CTNNA3: variants seen among roughly 807,000 people sequenced by gnomAD.
CTNNA3 encodes catenin alpha 3.
In CTNNA3, 76 loss-of-function variants were observed where a neutral mutation model predicts 95.7. The observed-to-expected ratio is 0.79, with a 90% CI of 0.66 to 0.96. The LOEUF (loss-of-function observed/expected upper bound fraction) is 0.96, where lower values mean the gene tolerates loss of function less well. CTNNA3 is among the 40% of genes least tolerant of loss of function. The probability of loss-of-function intolerance (pLI) is 0.00; values close to 1 mark genes in which losing one functional copy is unlikely to be tolerated. For synonymous variants in CTNNA3, 431 were observed against 374.4 expected (o/e 1.15, Z -1.74); for missense variants, 1,191 against 1,089.8 (o/e 1.09, Z -1.31).
intron 7 of CTNNA3, among the ~76,000 whole-genome samples, chr10:67,065,638 A>T (rs1308284407): frequency 6.6e-6 from 1 of 151,964 alleles, no homozygotes; most frequent in African/African-American, 2.4e-5. Context: ...TAGCCAATAA[A>T]ATTCTCCAGT....
intron 11 of CTNNA3, among the ~76,000 whole-genome samples, chr10:66,423,676 A>G (rs910843621): frequency 3.9e-5 from 6 of 152,122 alleles, no homozygotes; most frequent in Non-Finnish European, 8.8e-5. Flanking sequence ...ACAACCCCAC[A>G]ATAAACTTCT....
At chr10:67,696,693 CATT>C (rs1840969491), upstream of CTNNA3, among the ~76,000 whole-genome samples, 2 of 150,082 alleles carry the variant, frequency 1.3e-5, no homozygotes, top group Admixed American at 6.6e-5. Flanking sequence ...TAGGTTAACC[CATT>C]ATTAAATTTA....
chr10:66,982,518 G>A (rs1188020354), intron 7 of CTNNA3, among the ~76,000 whole-genome samples: 1 of 152,064 alleles, frequency 6.6e-6, no homozygotes, highest in Non-Finnish European at 1.5e-5. Flanking sequence ...ATTTTTGAAA[G>A]GTGGCATACA....
chr10:66,872,718 G>T (rs921139714), intron 7 of CTNNA3, among the ~76,000 whole-genome samples: 3 of 150,872 alleles, frequency 2.0e-5, no homozygotes, highest in African/African-American at 5.0e-5. Context: ...TTTTGATTCA[G>T]GTGGTACACG....
chr10:67,727,658 TG>T (rs1437590343), intron 1 of CTNNA3, among the ~76,000 whole-genome samples: 3 of 127,616 alleles, frequency 2.4e-5, no homozygotes, highest in South Asian at 4.5e-4. Context: ...ATATTATATA[TG>T]ATATATAATA....
chr10:67,492,023 G>A (rs1476347064), intron 5 of CTNNA3, among the ~76,000 whole-genome samples: 2 of 152,038 alleles, frequency 1.3e-5, no homozygotes, highest in Non-Finnish European at 1.5e-5. Context: ...AATATATGGG[G>A]TAGAAATAAA....
At chr10:66,599,969 C>T (rs1320869342) in intron 10 of CTNNA3, among the ~76,000 whole-genome samples, 1 of 151,824 alleles carries the variant, frequency 6.6e-6, no homozygotes, top group East Asian at 1.9e-4. Context: ...TCATTTTTAG[C>T]TAATAACTTG....
intron 17 of CTNNA3, among the ~76,000 whole-genome samples, chr10:65,928,047 G>A (rs1000348926): frequency 6.6e-6 from 1 of 152,016 alleles, no homozygotes; most frequent in African/African-American, 2.4e-5. Flanking sequence ...CATCTTCTAT[G>A]GTTAATAATT....
chr10:66,139,016 TC>T (rs1234542242), intron 13 of CTNNA3, among the ~76,000 whole-genome samples: 3 of 152,180 alleles, frequency 2.0e-5, no homozygotes, highest in Non-Finnish European at 4.4e-5. Context: ...AGCCAAAGTT[TC>T]CCCCAGGCTT....
chr10:66,249,331 G>A (rs549995209), intron 13 of CTNNA3, among the ~76,000 whole-genome samples: 35 of 152,078 alleles, frequency 2.3e-4, no homozygotes, highest in Non-Finnish European at 3.4e-4. Context: ...ACAAAGTGAA[G>A]AGACAACCAC....
In CTNNA3 at chr10:67,229,339, T is replaced by C. The variant is rs1217662252; in HGVS notation, c.580-9469A>G. On this transcript the variant is annotated intron_variant, in intron 5 of 17. Transcript: ENST00000433211. ...ACCTCAATGGAATAAAAGCCATCTATGATAAACCCACAGTCAACATTATAC... is the reference window on the plus strand; with the variant it reads ...ACCTCAATGGAATAAAAGCCATCTACGATAAACCCACAGTCAACATTATAC... Among the ~76,000 whole-genome samples the C allele has an allele frequency of 2.6e-5, 4 of 152,160 alleles. 1 individual carries two copies. The highest frequency in any genetic ancestry group is 4.1e-4 in the South Asian group (2 of 4,828).
intron 13 of CTNNA3, among the ~76,000 whole-genome samples, chr10:66,129,749 C>T (rs377311709): frequency 6.6e-6 from 1 of 152,104 alleles, no homozygotes. Context: ...TGCAGAGTGG[C>T]CCCCAAGACA....
intron 9 of CTNNA3, among the ~76,000 whole-genome samples, chr10:66,734,442 T>C (rs960463664): frequency 1.3e-5 from 2 of 152,190 alleles, no homozygotes; most frequent in African/African-American, 4.8e-5. Context: ...AAAATACCTT[T>C]TTATTTCTAA....
chr10:66,405,069 A>G (rs1287228799), intron 11 of CTNNA3, among the ~76,000 whole-genome samples: 1 of 152,212 alleles, frequency 6.6e-6, no homozygotes, highest in Non-Finnish European at 1.5e-5. Flanking sequence ...TTAAGCAACT[A>G]TCTAAAGGAT....
At chr10:66,039,345 T>A (rs2079634559) in intron 15 of CTNNA3, among the ~76,000 whole-genome samples, 1 of 152,164 alleles carries the variant, frequency 6.6e-6, no homozygotes, top group Non-Finnish European at 1.5e-5. Context: ...GCTATTCCTA[T>A]CAAACTACCA....
At chr10:66,713,946 C>T (rs1223707062) in intron 9 of CTNNA3, among the ~76,000 whole-genome samples, 2 of 151,828 alleles carry the variant, frequency 1.3e-5, no homozygotes, top group Non-Finnish European at 2.9e-5. Flanking sequence ...TTTTACTAAG[C>T]CTAAAATAAT....
At chr10:66,249,429 A>T (rs2090461884) in intron 13 of CTNNA3, among the ~76,000 whole-genome samples, 1 of 152,218 alleles carries the variant, frequency 6.6e-6, no homozygotes, top group South Asian at 2.1e-4. Context: ...TCTATAGGAA[A>T]AAATCTAATC....
chr10:67,331,485 T>C (rs554131354), intron 5 of CTNNA3, among the ~76,000 whole-genome samples: 3 of 151,622 alleles, frequency 2.0e-5, no homozygotes, highest in Admixed American at 6.6e-5. Context: ...AGTCATAGTA[T>C]TGTGAGAATC....
At position 66,833,666 on chromosome 10, in the gene CTNNA3, A is replaced by G. The variant is rs936106484; in HGVS notation, c.1048-58142T>C. On this transcript the variant is annotated intron_variant, in intron 7 of 17. Coordinates refer to ENST00000433211, the MANE Select transcript of CTNNA3 (RefSeq NM_013266.4). ...TGCTCCAACACTTTTATGTTATTTC[A>G]TCTGGATAGTGTAGGTAGCTGTCAA... Among the ~76,000 whole-genome samples the G allele has an allele frequency of 3.9e-5, 6 of 152,182 alleles. No homozygotes were observed. In the East Asian group the frequency reaches 1.2e-3, roughly 29 times the overall value.
Sources: gnomAD v4.1 joint callset for allele counts (sites outside exome capture counted in the v4.1 genomes callset) on GRCh38, gnomAD v4.1.1 for gene constraint, MANE v1.5 for transcripts, NCBI Gene and HGNC (gene_info 2026-07-23, HGNC 2026-07-21) for gene names.